APOL2: variants seen among roughly 807,000 people sequenced by gnomAD.
APOL2 encodes the protein apolipoprotein L, 2.
APOL2 carries 8 observed loss-of-function variants against 7.1 expected under a neutral mutation model. The observed-to-expected ratio is 1.12, with a 90% CI of 0.66 to 2.03. The LOEUF is 2.03. APOL2 is among the 30% of genes most tolerant of loss of function. The pLI is 0.00. For synonymous variants in APOL2, 177 were observed against 159.9 expected (o/e 1.11, Z -0.81); for missense variants, 471 against 415.1 (o/e 1.13, Z -1.17).
Position 36,236,981 on chromosome 22 carries a change from C to A in APOL2, c.-134+2460G>T, listed in dbSNP as rs931351901. On this transcript the variant is annotated intron_variant, in intron 1 of 4. Coordinates refer to ENST00000358502, the MANE Select transcript of APOL2 (RefSeq NM_030882.4). Reference sequence around the variant, plus strand: ...CTAGGCCAGGGGAGCTGTCTCAACGCCATCTCATGAGCCATGAGAACCAGG... The same window carrying A: ...CTAGGCCAGGGGAGCTGTCTCAACGACATCTCATGAGCCATGAGAACCAGG... 10 of 1,376,772 alleles carry A rather than the reference C, an allele frequency of 7.3e-6. 1 individual carries two copies. In the African/African-American group the frequency reaches 8.9e-5, roughly 12 times the overall value. The allele number at this position is 1,376,772 out of a possible 1,614,324, so 85.3% of individuals were successfully genotyped here.
chr22:36,233,539 A>C, intron 1 of APOL2, 84 bp from the exon 2 acceptor site: 1 of 1,243,534 alleles, frequency 8.0e-7, no homozygotes, highest in South Asian at 1.3e-5. Context: ...ACACAGGAAT[A>C]GAGATGGGAG....
At chr22:36,236,701 A>G (rs946891284) in intron 1 of APOL2, 1 of 985,044 alleles carries the variant, frequency 1.0e-6, no homozygotes, top group African/African-American at 1.7e-5. Flanking sequence ...TCCAGCTCTT[A>G]TACAAAAGCC....
At position 36,227,282 on chromosome 22, in the gene APOL2, C is replaced by CTCCAT. The variant is rs2015030082; in HGVS notation, c.*117_*121dup. On this transcript the variant is annotated 3_prime_UTR_variant, in exon 5 of 5. Transcript: ENST00000358502. ...AGTGAGCCGAGATTGAGCCACTGCA[C>CTCCAT]TCCATCCTGGGCGATAGAGCGAGAC... is the stretch of plus-strand genomic sequence containing the variant. The CTCCAT allele has an allele frequency of 7.8e-7, 1 of 1,278,266 alleles. No individual in the cohort carries two copies. Among genetic ancestry groups the CTCCAT allele is most frequent in the Non-Finnish European group, 1.0e-6 (1 of 954,762 alleles). The allele number at this position is 1,278,266 out of a possible 1,614,324, so 79.2% of individuals were successfully genotyped here. A position where few individuals can be genotyped will look rare whatever the true frequency, so the allele number is the denominator to read the frequency against.
intron 1 of APOL2, chr22:36,239,026 C>T (rs1477892934): frequency 3.8e-6 from 3 of 783,156 alleles, no homozygotes. Flanking sequence ...TGGGGCCAGC[C>T]TGGGTGTGGC....
upstream of APOL2, chr22:36,239,721 A>C: frequency 1.8e-6 from 1 of 557,076 alleles, no homozygotes. Context: ...GGTCCCTCTC[A>C]TCCAACCCAC....
intron 1 of APOL2, among the ~76,000 whole-genome samples, chr22:36,234,700 T>G (rs1311602355): frequency 6.6e-6 from 1 of 152,236 alleles, no homozygotes; most frequent in Non-Finnish European, 1.5e-5. Flanking sequence ...ATAATGGCAC[T>G]TAATGTTAAT....
intron 1 of APOL2, chr22:36,236,889 A>G (rs1021365751): frequency 1.6e-6 from 2 of 1,280,292 alleles, no homozygotes; most frequent in Non-Finnish European, 2.0e-6. Context: ...TTCTTGCTGT[A>G]AGGGACGGGG....
At chr22:36,237,131 C>T (rs757399141) in intron 1 of APOL2, 22 of 1,530,188 alleles carry the variant, frequency 1.4e-5, no homozygotes, top group Non-Finnish European at 1.8e-5. Context: ...TGGCTCCCAC[C>T]TTTGTCTGGA....
intron 4 of APOL2, among the ~76,000 whole-genome samples, chr22:36,228,991 A>T (rs2015122735): frequency 6.6e-6 from 1 of 152,152 alleles, no homozygotes; most frequent in East Asian, 1.9e-4. Flanking sequence ...TTTCTCCTTG[A>T]CCAACTCCAG....
Position 36,227,229 on chromosome 22 carries a change from T to A in APOL2, c.*175A>T, listed in dbSNP as rs1264606980. 1.2e-5 allele frequency: 8 copies of A among 685,126 alleles called. No individual in the cohort carries two copies. Among genetic ancestry groups the A allele is most frequent in the African/African-American group, 2.0e-5 (1 of 50,150 alleles). The allele number at this position is 685,126 out of a possible 1,614,324, so 42.4% of individuals were successfully genotyped here. On this transcript the variant is annotated 3_prime_UTR_variant, in exon 5 of 5. Coordinates refer to ENST00000358502, the MANE Select transcript of APOL2 (RefSeq NM_030882.4). ...TACTCGGGAGACTGAGGCCGGAGAATGGTGTGAACCCGGGAGGCGGAGTTT... is the reference window on the plus strand; with the variant it reads ...TACTCGGGAGACTGAGGCCGGAGAAAGGTGTGAACCCGGGAGGCGGAGTTT...
intron 1 of APOL2, among the ~76,000 whole-genome samples, chr22:36,238,679 A>G (rs111932997): frequency 0.032 from 4,803 of 152,316 alleles, 169 homozygotes; most frequent in Admixed American, 0.089. Flanking sequence ...CAAAGCTGGC[A>G]TCATGCCACA....
Position 36,227,360 on chromosome 22 carries a change from C to T in APOL2, c.*44G>A, listed in dbSNP as rs751399001. 1 of 1,510,286 alleles carries T rather than the reference C, an allele frequency of 6.6e-7. No homozygotes were observed. The highest frequency in any genetic ancestry group is 8.9e-7 in the Non-Finnish European group (1 of 1,121,768). 93.6% of individuals were successfully genotyped at this position (1,510,286 alleles called of 1,614,324 possible). On this transcript the variant is annotated 3_prime_UTR_variant, in exon 5 of 5. Transcript: ENST00000358502. ...AAAAAAAGTCTGCATTTTGTCCTGG[C>T]CTGTGCCCGGCATTTCTGCCCTGGT...
At chr22:36,228,420 T>G in intron 4 of APOL2, 140 bp from the exon 5 acceptor site, 1 of 1,123,688 alleles carries the variant, frequency 8.9e-7, no homozygotes, top group East Asian at 2.4e-5. Context: ...TGGAATTAAT[T>G]ATCTTTCAAA....
intron 1 of APOL2, chr22:36,236,542 T>G (rs534782968): frequency 2.0e-6 from 2 of 984,132 alleles, no homozygotes; most frequent in Non-Finnish European, 2.4e-6. Context: ...TAATACCGAT[T>G]CAGGCCCATC....
intron 3 of APOL2, among the ~76,000 whole-genome samples, chr22:36,232,346 G>A (rs965576542): frequency 6.6e-6 from 1 of 152,330 alleles, no homozygotes; most frequent in Non-Finnish European, 1.5e-5. Context: ...AGTCATCCCT[G>A]GTCAGCAGGT....
At position 36,227,143 on chromosome 22, in the gene APOL2, G is replaced by T; in HGVS notation, c.*261C>A. On this transcript the variant is annotated 3_prime_UTR_variant, in exon 5 of 5. Transcript: ENST00000358502. ...ATCGTGGCTAACACAGTGAAACCCCGTCTCCAGTGAAAATACAAAAAAATT... is the reference window on the plus strand; with the variant it reads ...ATCGTGGCTAACACAGTGAAACCCCTTCTCCAGTGAAAATACAAAAAAATT... The T allele has an allele frequency of 2.9e-6, 1 of 342,772 alleles. No individual in the cohort carries two copies. The highest frequency in any genetic ancestry group is 5.3e-6 in the Non-Finnish European group (1 of 190,262). 21.2% of individuals were successfully genotyped at this position (342,772 alleles called of 1,614,324 possible).
At chr22:36,236,911 G>A in intron 1 of APOL2, 2 of 1,304,530 alleles carry the variant, frequency 1.5e-6, no homozygotes, top group East Asian at 3.1e-5. Context: ...GACGGGAGGG[G>A]GTCTTCCCTT....
chr22:36,230,519 C>T (rs1377054227), intron 4 of APOL2, among the ~76,000 whole-genome samples: 1 of 152,138 alleles, frequency 6.6e-6, no homozygotes, highest in Non-Finnish European at 1.5e-5. Context: ...GTGCCCCAGC[C>T]TTCCTGCTTG....
chr22:36,235,842 A>G (rs1304470953), intron 1 of APOL2, among the ~76,000 whole-genome samples: 1 of 151,956 alleles, frequency 6.6e-6, no homozygotes, highest in East Asian at 1.9e-4. Context: ...AGAAAAAGAC[A>G]TGGGATCCAG....
Sources: gnomAD v4.1 joint callset for allele counts (sites outside exome capture counted in the v4.1 genomes callset) on GRCh38, gnomAD v4.1.1 for gene constraint, MANE v1.5 for transcripts, NCBI Gene and HGNC (gene_info 2026-07-23, HGNC 2026-07-21) for gene names.